The following TMPRSS12 variants were observed in gnomAD, a reference collection of about 807,000 sequenced individuals.
The protein encoded by TMPRSS12 is transmembrane serine protease 12, also known as transmembrane protease serine 12.
Under a neutral mutation model 26.0 loss-of-function variants are expected in TMPRSS12, and 25 were observed. The observed-to-expected ratio is 0.96, with a 90% CI of 0.70 to 1.34. The LOEUF (loss-of-function observed/expected upper bound fraction) is 1.34. Among genes scored for constraint, TMPRSS12 ranks in the 40% most tolerant of loss-of-function variants. The pLI is 0.00. For missense variants in TMPRSS12, 441 were observed against 440.1 expected, an observed-to-expected ratio of 1.00 and a Z score of -0.02; for synonymous variants, 150 against 161.7, an observed-to-expected ratio of 0.93 and a Z score of 0.55.
intron 4 of TMPRSS12, chr12:50,885,789 G>T: frequency 7.9e-6 from 3 of 377,658 alleles, no homozygotes; most frequent in South Asian, 6.2e-5. Context: ...CTAGGTAGCT[G>T]GAATTACAGG....
chr12:50,873,559 AG>A (rs1390823647), intron 3 of TMPRSS12, among the ~76,000 whole-genome samples: 1 of 152,244 alleles, frequency 6.6e-6, no homozygotes, highest in Admixed American at 6.5e-5. Context: ...AGACGTAAGA[AG>A]GAACAAAAAA....
chr12:50,848,709 A>G (rs1222014751), intron 2 of TMPRSS12, among the ~76,000 whole-genome samples: 2 of 152,228 alleles, frequency 1.3e-5, no homozygotes, highest in African/African-American at 2.4e-5. Flanking sequence ...TGCTCAATTT[A>G]TGAATAAACC....
chr12:50,886,409 T>C (rs1170501093), intron 4 of TMPRSS12: 1 of 152,192 alleles, frequency 6.6e-6, no homozygotes, highest in Non-Finnish European at 1.5e-5. Flanking sequence ...CACTCCTGAG[T>C]AACCCATGCT....
Position 50,843,994 on chromosome 12 carries a change from G to C in TMPRSS12, c.340G>C (p.Glu114Gln). 1 of 1,605,042 alleles carries C rather than the reference G, an allele frequency of 6.2e-7. No homozygotes were observed. Among genetic ancestry groups the C allele is most frequent in the Non-Finnish European group, 8.5e-7 (1 of 1,175,934 alleles). ...TGTATGTGGGGGAACCCTAGTGAGA[G>C]AGAGGTGGGTCCTCACAGCTGCCCA... ...VHVCGGTLVRERWVLTAAHCT... is the reference protein window; with the variant it reads ...VHVCGGTLVRQRWVLTAAHCT... Residue 114 changes from glutamate to glutamine, a missense_variant, in exon 2 of 5, where the codon GAG becomes CAG. Glu to Gln is a conservative substitution (Grantham distance 29). Transcript: ENST00000398458.
rs752594908 is a variant in TMPRSS12 at position 50,843,908 on chromosome 12, A to G, written c.254A>G (p.Gln85Arg). 4.6e-5 allele frequency: 72 copies of G among 1,580,434 alleles called. No homozygotes were observed. The highest frequency in any genetic ancestry group is 6.1e-5 in the Non-Finnish European group (71 of 1,162,762). ...CGGATTATAGGGGGCACCGAAGCAC[A>G]AGCTGGCGCATGGCCGTGGGTGGTG... is the stretch of plus-strand genomic sequence containing the variant. Reference protein sequence around the residue: ...GSRIIGGTEAQAGAWPWVVSL... With the variant: ...GSRIIGGTEARAGAWPWVVSL... Residue 85 changes from glutamine (Q) to arginine (R), a missense_variant, in exon 2 of 5, where the codon CAA (glutamine) becomes CGA (arginine). Gln to Arg is a conservative substitution (Grantham distance 43). Coordinates refer to ENST00000398458, the MANE Select transcript of TMPRSS12 (RefSeq NM_182559.3).
intron 2 of TMPRSS12, among the ~76,000 whole-genome samples, chr12:50,847,185 C>A (rs191087266): frequency 0.078 from 11,801 of 151,594 alleles, 1,534 homozygotes; most frequent in African/African-American, 0.27. Flanking sequence ...CAGCCTCCCG[C>A]GTAGCTGGGA....
intron 2 of TMPRSS12, among the ~76,000 whole-genome samples, chr12:50,852,294 G>A (rs987538965): frequency 1.3e-5 from 2 of 152,212 alleles, no homozygotes; most frequent in African/African-American, 4.8e-5. Flanking sequence ...TTTAAGAGAG[G>A]CACATCTCAC....
intron 3 of TMPRSS12, among the ~76,000 whole-genome samples, chr12:50,876,373 C>T (rs1320169830): frequency 6.6e-6 from 1 of 152,222 alleles, no homozygotes; most frequent in Admixed American, 6.5e-5. Context: ...ATCACCGCTG[C>T]ACCCAGCAAT....
In TMPRSS12 at chr12:50,866,616, C is replaced by G. The variant is rs768614652; in HGVS notation, c.652+7563C>G. Among the ~76,000 whole-genome samples the G allele has an allele frequency of 1.8e-3, 275 of 151,966 alleles. 6 individuals are homozygous for G. The highest frequency in any genetic ancestry group is 0.018 in the Admixed American group (272 of 15,232). ...GGCCCTGTCCACCACTGGTTTCTCT[C>G]CATAATACCACAGCTGATGCTCTCT... On this transcript the variant is annotated intron_variant, in intron 3 of 4. Coordinates refer to ENST00000398458, the MANE Select transcript of TMPRSS12 (RefSeq NM_182559.3).
intron 2 of TMPRSS12, among the ~76,000 whole-genome samples, chr12:50,850,386 C>T (rs916124003): frequency 2.5e-4 from 38 of 152,072 alleles, no homozygotes; most frequent in Non-Finnish European, 4.6e-4. Flanking sequence ...CAAGACCAGC[C>T]TAGGCAAAAT....
chr12:50,872,596 G>GTATATATGTACATATATATGACGTA lies in TMPRSS12; in HGVS notation c.653-12645_653-12644insATGTACATATATATGACGTATATAT, dbSNP rs140996037. On this transcript the variant is annotated intron_variant, in intron 3 of 4. Coordinates refer to ENST00000398458, the MANE Select transcript of TMPRSS12 (RefSeq NM_182559.3). The stretch of plus-strand genomic sequence containing the variant: ...CCATATATATGTACATATATATGAC[G>GTATATATGTACATATATATGACGTA]TATATGTACATATATATGACGTATA... Among the ~76,000 whole-genome samples, 8 of 90,814 alleles carry GTATATATGTACATATATATGACGTA rather than the reference G, an allele frequency of 8.8e-5. 1 individual carries two copies. The highest frequency in any genetic ancestry group is 2.4e-4 in the African/African-American group (5 of 20,450). 59.6% of individuals were successfully genotyped at this position (90,814 alleles called of 152,430 possible).
intron 2 of TMPRSS12, among the ~76,000 whole-genome samples, chr12:50,844,826 T>C (rs992629801): frequency 6.6e-6 from 1 of 152,218 alleles, no homozygotes; most frequent in African/African-American, 2.4e-5. Context: ...AATAAAACTT[T>C]ATGAACACTG....
Position 50,842,984 on chromosome 12 carries a change from GC to G in TMPRSS12, c.21del (p.Ser7ArgfsTer73). On this transcript the variant is annotated frameshift_variant, in exon 1 of 5. Coordinates refer to ENST00000398458, the MANE Select transcript of TMPRSS12 (RefSeq NM_182559.3). LOFTEE classifies it high-confidence loss of function. The part of the protein sequence containing the change: MRLGLL[S>X]VALLFVGSSH... ...TCCAAAATGCGGCTGGGGCTCCTGAGCGTGGCGCTGTTGTTTGTGGGGAGCT... is the reference window on the plus strand; with the variant it reads ...TCCAAAATGCGGCTGGGGCTCCTGAGGTGGCGCTGTTGTTTGTGGGGAGCT... 6.3e-7 allele frequency: 1 copy of G among 1,595,950 alleles called. No homozygotes were observed. Among genetic ancestry groups the G allele is most frequent in the Non-Finnish European group, 8.5e-7 (1 of 1,170,910 alleles).
chr12:50,863,034 A>G, intron 3 of TMPRSS12, among the ~76,000 whole-genome samples: 1 of 151,926 alleles, frequency 6.6e-6, no homozygotes, highest in South Asian at 2.1e-4. Flanking sequence ...CGCTAAAAAA[A>G]TTAGCCAGGT....
At chr12:50,852,534 C>T (rs1937835600) in intron 2 of TMPRSS12, among the ~76,000 whole-genome samples, 1 of 152,148 alleles carries the variant, frequency 6.6e-6, no homozygotes, top group East Asian at 1.9e-4. Context: ...CATCAGCCTC[C>T]CCAGTAGCTG....
At chr12:50,861,282 C>T (rs1233780773) in intron 3 of TMPRSS12, among the ~76,000 whole-genome samples, 1 of 152,166 alleles carries the variant, frequency 6.6e-6, no homozygotes, top group Non-Finnish European at 1.5e-5. Flanking sequence ...AGTACTAAGA[C>T]TTCTTTTTTC....
Position 50,862,871 on chromosome 12 carries a change from T to TA in TMPRSS12, c.652+3828dup, listed in dbSNP as rs1172986728. On this transcript the variant is annotated intron_variant, in intron 3 of 4. Coordinates refer to ENST00000398458, the MANE Select transcript of TMPRSS12 (RefSeq NM_182559.3). ...TACTTCAAATGTGATCTAGGTAGGT[T>TA]AAAAAAAAAAGGAGGGAAAAATACA... is the stretch of plus-strand genomic sequence containing the variant. 2.0e-3 allele frequency among the ~76,000 whole-genome samples: 290 copies of TA among 145,406 alleles called. 5 individuals are homozygous for TA. The highest frequency in any genetic ancestry group is 0.015 in the Admixed American group (217 of 14,564).
chr12:50,877,827 C>G (rs1938126697), intron 3 of TMPRSS12, among the ~76,000 whole-genome samples: 1 of 152,196 alleles, frequency 6.6e-6, no homozygotes, highest in African/African-American at 2.4e-5. Context: ...CCAGGCTGGT[C>G]TCAAACTCCT....
chr12:50,852,752 G>A (rs1181043985), intron 2 of TMPRSS12, among the ~76,000 whole-genome samples: 1 of 152,146 alleles, frequency 6.6e-6, no homozygotes, highest in Non-Finnish European at 1.5e-5. Context: ...ACAAAAAAGA[G>A]CATTACATAA....
Sources: gnomAD v4.1 joint callset for allele counts (sites outside exome capture counted in the v4.1 genomes callset) on GRCh38, gnomAD v4.1.1 for gene constraint, MANE v1.5 for transcripts, NCBI Gene and HGNC (gene_info 2026-07-23, HGNC 2026-07-21) for gene names.